The following DIS3L2 variants were observed in gnomAD, a reference collection of about 807,000 sequenced individuals.
DIS3L2 encodes the protein DIS3 like 3'-5' exoribonuclease 2.
A neutral mutation model predicts 97.5 loss-of-function variants in DIS3L2; 34 were observed. The ratio of observed to expected loss-of-function variants is 0.35; its 90% confidence interval spans 0.27 to 0.46. The LOEUF (loss-of-function observed/expected upper bound fraction) is 0.46, where lower values mean the gene tolerates loss of function less well. Ranked by LOEUF, DIS3L2 falls within the 20% of genes least tolerant of loss-of-function variation. The probability of loss-of-function intolerance (pLI) is 1.00; values close to 1 mark genes in which losing one functional copy is unlikely to be tolerated. For missense variants in DIS3L2, 1,038 were observed against 1,146.0 expected, an observed-to-expected ratio of 0.91 and a Z score of 1.36; for synonymous variants, 435 against 445.2, an observed-to-expected ratio of 0.98 and a Z score of 0.29.
chr2:232,229,349 A>G (rs1692730747), intron 10 of DIS3L2, among the ~76,000 whole-genome samples: 1 of 152,084 alleles, frequency 6.6e-6, no homozygotes, highest in Non-Finnish European at 1.5e-5. Context: ...TGACCTGCTC[A>G]CTTTGTAATG....
chr2:231,980,876 C>T (rs890547761), intron 1 of DIS3L2, among the ~76,000 whole-genome samples: 2 of 152,090 alleles, frequency 1.3e-5, no homozygotes, highest in Admixed American at 6.6e-5. Context: ...TTCAGGTGAT[C>T]CTCTTACTTC....
At position 232,208,393 on chromosome 2, in the gene DIS3L2, C is replaced by T. The variant is rs74498645; in HGVS notation, c.1125-1933C>T. 2.1e-3 allele frequency among the ~76,000 whole-genome samples: 318 copies of T among 152,254 alleles called. 2 individuals are homozygous for T. Among genetic ancestry groups the T allele is most frequent in the African/African-American group, 7.0e-3 (292 of 41,532 alleles). On this transcript the variant is annotated intron_variant, in intron 9 of 20. Coordinates refer to ENST00000325385, the MANE Select transcript of DIS3L2 (RefSeq NM_152383.5). ...TGGCACAATCTTGGCTCGCTGCAAC[C>T]GCCACCTCCCGGGTTCAAACAATTT...
intron 5 of DIS3L2, among the ~76,000 whole-genome samples, chr2:232,046,763 C>T (rs903467925): frequency 6.6e-6 from 1 of 152,152 alleles, no homozygotes; most frequent in Non-Finnish European, 1.5e-5. Context: ...TATTTTTATC[C>T]TACTAAGTGT....
At chr2:232,205,731 G>A (rs1264591819) in intron 9 of DIS3L2, among the ~76,000 whole-genome samples, 1 of 152,134 alleles carries the variant, frequency 6.6e-6, no homozygotes, top group Non-Finnish European at 1.5e-5. Context: ...AAGTTAGGAA[G>A]GTTTTCTGAG....
intron 9 of DIS3L2, among the ~76,000 whole-genome samples, chr2:232,192,310 C>T (rs1219129706): frequency 2.0e-5 from 3 of 152,156 alleles, no homozygotes; most frequent in East Asian, 1.9e-4. Context: ...AATCTCTTGC[C>T]TGAGGTCACA....
At chr2:232,220,524 T>C (rs1413076103) in intron 10 of DIS3L2, among the ~76,000 whole-genome samples, 1 of 151,892 alleles carries the variant, frequency 6.6e-6, no homozygotes, top group African/African-American at 2.4e-5. Flanking sequence ...CTGACCAACA[T>C]AGTGAAACCC....
chr2:232,244,406 C>G (rs1574968334), intron 11 of DIS3L2, among the ~76,000 whole-genome samples: 1 of 152,232 alleles, frequency 6.6e-6, no homozygotes, highest in East Asian at 1.9e-4. Context: ...GAGCGCTGCT[C>G]TTAACAGAGG....
At chr2:231,978,827 C>T (rs1261766080) in intron 1 of DIS3L2, 1 of 152,236 alleles carries the variant, frequency 6.6e-6, no homozygotes, top group Non-Finnish European at 1.5e-5. Context: ...AATATTCACA[C>T]CTGTGTGCAA....
chr2:232,040,816 A>G (rs1024764999), intron 5 of DIS3L2, among the ~76,000 whole-genome samples: 1 of 152,198 alleles, frequency 6.6e-6, no homozygotes, highest in Non-Finnish European at 1.5e-5. Flanking sequence ...AAGGAGTAAC[A>G]GAGTGGTATT....
intron 1 of DIS3L2, among the ~76,000 whole-genome samples, chr2:231,976,145 A>C (rs959788291): frequency 6.6e-6 from 1 of 152,180 alleles, no homozygotes; most frequent in Non-Finnish European, 1.5e-5. Context: ...GATGAATTGC[A>C]TAGTGGCGAA....
chr2:232,235,342 C>T (rs1692904766), intron 10 of DIS3L2, among the ~76,000 whole-genome samples: 1 of 152,222 alleles, frequency 6.6e-6, no homozygotes, highest in African/African-American at 2.4e-5. Flanking sequence ...TTTATAGTTT[C>T]TCTTTCATAG....
chr2:231,988,754 G>A (rs56225833), intron 1 of DIS3L2, among the ~76,000 whole-genome samples: 2,208 of 152,212 alleles, frequency 0.015, 23 homozygotes, highest in Non-Finnish European at 0.021. Context: ...AGGCATTGTT[G>A]TAGCAATACT....
intron 10 of DIS3L2, among the ~76,000 whole-genome samples, chr2:232,225,654 TATA>T (rs1692624882): frequency 1.3e-5 from 2 of 152,326 alleles, no homozygotes; most frequent in Non-Finnish European, 2.9e-5. Context: ...GTTACCTAAG[TATA>T]TTTACTTTGT....
At chr2:232,282,775 G>A (rs1185064216) in intron 13 of DIS3L2, among the ~76,000 whole-genome samples, 1 of 152,120 alleles carries the variant, frequency 6.6e-6, no homozygotes, top group African/African-American at 2.4e-5. Context: ...GCACAAACCC[G>A]GCTGTTCTGG....
rs144869518 is a variant in DIS3L2, at chr2:232,157,905, C to T, written c.951-5554C>T. Among the ~76,000 whole-genome samples, 3 of 152,324 alleles carry T rather than the reference C, an allele frequency of 2.0e-5. No individual in the cohort carries two copies. The East Asian group carries it at 5.8e-4, about 29-fold the overall frequency. The stretch of plus-strand genomic sequence containing the variant: ...TACACGGGCGCAGGCCATCCTGCCT[C>T]CACAGTGGGAGCCTTTCACTGTGCA... On this transcript the variant is annotated intron_variant, in intron 8 of 20. Coordinates refer to ENST00000325385, the MANE Select transcript of DIS3L2 (RefSeq NM_152383.5).
At chr2:232,157,425 A>G (rs1690522668) in intron 8 of DIS3L2, among the ~76,000 whole-genome samples, 1 of 152,206 alleles carries the variant, frequency 6.6e-6, no homozygotes, top group Admixed American at 6.5e-5. Flanking sequence ...CCAACAGCTT[A>G]GTAAGTCAGA....
At chr2:232,321,271 AGGG>A (rs1695424097) in intron 14 of DIS3L2, among the ~76,000 whole-genome samples, 1 of 152,184 alleles carries the variant, frequency 6.6e-6, no homozygotes, top group South Asian at 2.1e-4. Context: ...GACCTGGGCG[AGGG>A]ACTGACCTGG....
chr2:232,247,872 G>C (rs1028609380), intron 11 of DIS3L2, among the ~76,000 whole-genome samples: 2 of 152,162 alleles, frequency 1.3e-5, no homozygotes, highest in Non-Finnish European at 2.9e-5. Context: ...ATATAGTATT[G>C]TCTGAACTGA....
At chr2:232,215,626 A>G (rs1211518706) in intron 10 of DIS3L2, among the ~76,000 whole-genome samples, 9 of 152,164 alleles carry the variant, frequency 5.9e-5, no homozygotes, top group Non-Finnish European at 2.9e-5. Flanking sequence ...GAGAATTCCT[A>G]ATAAACTCTC....
Sources: gnomAD v4.1 joint callset for allele counts (sites outside exome capture counted in the v4.1 genomes callset) on GRCh38, gnomAD v4.1.1 for gene constraint, MANE v1.5 for transcripts, NCBI Gene and HGNC (gene_info 2026-07-23, HGNC 2026-07-21) for gene names.